The following NLGN4Y variants were observed in gnomAD, a reference collection of about 807,000 sequenced individuals.
NLGN4Y encodes neuroligin 4 Y-linked, also known as neuroligin-4, Y-linked.
Under a neutral mutation model 8.4 loss-of-function variants are expected in NLGN4Y, and 4 were observed. That is an observed-to-expected ratio of 0.48 (90% CI 0.23 to 1.09). The LOEUF (loss-of-function observed/expected upper bound fraction) is 1.09. NLGN4Y is among the 50% of genes least tolerant of loss of function. The pLI, the probability that NLGN4Y is intolerant of heterozygous loss-of-function variation, is 0.19. For synonymous variants in NLGN4Y, 35 were observed against 75.6 expected, an observed-to-expected ratio of 0.46 and a Z score of 2.78; for missense variants, 90 against 192.3, an observed-to-expected ratio of 0.47 and a Z score of 3.15.
intron 4 of NLGN4Y, chrY:14,798,809 T>A: frequency 3.0e-5 from 1 of 33,878 alleles, no homozygotes; most frequent in South Asian, 6.5e-4. Context: ...GGGTGAAAAC[T>A]CAACCATCAG....
chrY:14,792,784 CAAAAAAAAAAAAAA>C (rs1302985273), intron 4 of NLGN4Y, among the ~76,000 whole-genome samples: 1 of 479 alleles, frequency 2.1e-3, no homozygotes, highest in East Asian at 0.067. Flanking sequence ...ATCCTGTCTC[CAAAAAAAAAAAAAA>C]AAAAAAAAAA....
At chrY:14,598,216 T>G in intron 1 of NLGN4Y, among the ~76,000 whole-genome samples, 1 of 34,530 alleles carries the variant, frequency 2.9e-5, no homozygotes, top group African/African-American at 1.1e-4. Flanking sequence ...AGCCCTTGGG[T>G]GGTCAATGGG....
intron 2 of NLGN4Y, among the ~76,000 whole-genome samples, chrY:14,677,861 A>T (rs2080755081): frequency 3.1e-5 from 1 of 31,850 alleles, no homozygotes; most frequent in African/African-American, 1.2e-4. Flanking sequence ...GTATCTGGGA[A>T]TACAGGTGCA....
At chrY:14,677,028 A>G in intron 2 of NLGN4Y, among the ~76,000 whole-genome samples, 1 of 33,675 alleles carries the variant, frequency 3.0e-5, no homozygotes, top group African/African-American at 1.2e-4. Flanking sequence ...TCCTACCATC[A>G]GGCTACTATT....
At chrY:14,739,144 C>G in intron 4 of NLGN4Y, among the ~76,000 whole-genome samples, 4 of 32,295 alleles carry the variant, frequency 1.2e-4, no homozygotes, top group African/African-American at 4.9e-4. Flanking sequence ...GCTGCGTTGC[C>G]CACTCTGGTG....
chrY:14,756,562 A>G (rs2081057853), intron 4 of NLGN4Y, among the ~76,000 whole-genome samples: 1 of 28,904 alleles, frequency 3.5e-5, no homozygotes, highest in South Asian at 8.0e-4. Context: ...AGCCTGGCCA[A>G]CATGATGAAA....
At chrY:14,537,392 T>C (rs2080137216) in intron 1 of NLGN4Y, among the ~76,000 whole-genome samples, 1 of 34,257 alleles carries the variant, frequency 2.9e-5, no homozygotes, top group Non-Finnish European at 7.3e-5. Context: ...CTGTGCTGCA[T>C]AATAAAAAAG....
intron 4 of NLGN4Y, among the ~76,000 whole-genome samples, chrY:14,788,094 A>G (rs1307196082): frequency 3.6e-4 from 12 of 33,766 alleles, no homozygotes; most frequent in African/African-American, 1.4e-3. Flanking sequence ...AGCATTTTCT[A>G]CAAATCCTCA....
intron 4 of NLGN4Y, among the ~76,000 whole-genome samples, chrY:14,771,414 G>T (rs920387274): frequency 3.1e-5 from 1 of 31,849 alleles, no homozygotes; most frequent in Non-Finnish European, 7.6e-5. Flanking sequence ...TTAAAGAAAA[G>T]AATTTTCAAC....
chrY:14,539,190 T>G (rs750982156), intron 1 of NLGN4Y, among the ~76,000 whole-genome samples: 7 of 33,679 alleles, frequency 2.1e-4, no homozygotes, highest in African/African-American at 6.9e-4. Context: ...ACCTTAATAG[T>G]TTTTTGGTAT....
At chrY:14,546,064 T>C in intron 1 of NLGN4Y, among the ~76,000 whole-genome samples, 18 of 32,574 alleles carry the variant, frequency 5.5e-4, no homozygotes, top group Admixed American at 5.2e-3. Context: ...GTTTGTCAGG[T>C]TTGTCAAAGA....
At chrY:14,793,749 C>T (rs1212786140) in intron 4 of NLGN4Y, 1 of 31,527 alleles carries the variant, frequency 3.2e-5, no homozygotes, top group Non-Finnish European at 7.6e-5. Context: ...GAGGCCGAGA[C>T]GGGCAGATCA....
At chrY:14,616,635 C>A (rs761661580) in intron 1 of NLGN4Y, among the ~76,000 whole-genome samples, 6 of 33,360 alleles carry the variant, frequency 1.8e-4, no homozygotes, top group African/African-American at 7.0e-4. Flanking sequence ...GATTCTGGTA[C>A]ATTGTGTCTT....
chrY:14,646,643 A>G (rs2080612123), intron 2 of NLGN4Y, among the ~76,000 whole-genome samples: 2 of 33,935 alleles, frequency 5.9e-5, no homozygotes, highest in African/African-American at 2.3e-4. Context: ...TCTGGCCCCT[A>G]ATGTGAACAT....
chrY:14,837,912 A>G, intron 6 of NLGN4Y, among the ~76,000 whole-genome samples: 2 of 33,478 alleles, frequency 6.0e-5, no homozygotes, highest in African/African-American at 2.3e-4. Flanking sequence ...CTTTTCCTAG[A>G]TTCTCACTGC....
chrY:14,742,387 T>C, intron 4 of NLGN4Y, among the ~76,000 whole-genome samples: 3 of 32,584 alleles, frequency 9.2e-5, no homozygotes, highest in Non-Finnish European at 2.2e-4. Flanking sequence ...TGTCTGGCCC[T>C]CATTTTTCTC....
chrY:14,691,624 AG>A (rs2080809822), intron 2 of NLGN4Y, among the ~76,000 whole-genome samples: 1 of 33,526 alleles, frequency 3.0e-5, no homozygotes, highest in African/African-American at 1.2e-4. Flanking sequence ...TTTTAATGCC[AG>A]AGAAAACGTG....
intron 4 of NLGN4Y, among the ~76,000 whole-genome samples, chrY:14,823,296 A>T: frequency 3.0e-5 from 1 of 33,685 alleles, no homozygotes; most frequent in Non-Finnish European, 7.3e-5. Flanking sequence ...TCATACAAAC[A>T]AGCCCCTCCC....
intron 3 of NLGN4Y, among the ~76,000 whole-genome samples, chrY:14,721,680 G>A: frequency 3.2e-5 from 1 of 31,078 alleles, no homozygotes; most frequent in African/African-American, 1.3e-4. Flanking sequence ...GAATTATGAG[G>A]GGAAAAAAAT....
Sources: allele counts gnomAD v4.1 joint callset (sites outside exome capture counted in the v4.1 genomes callset), GRCh38; gene constraint gnomAD v4.1.1; transcripts MANE v1.5; gene names NCBI Gene and HGNC (gene_info 2026-07-23, HGNC 2026-07-21).